Variants in DCHS2 observed in about 807,000 individuals in gnomAD.
DCHS2 encodes the protein protocadherin-23.
In DCHS2, 142 loss-of-function variants were observed where a neutral mutation model predicts 182.4. The ratio of observed to expected loss-of-function variants is 0.78; its 90% CI spans 0.68 to 0.89. The LOEUF is 0.89. Ranked by LOEUF, DCHS2 falls within the 40% of genes least tolerant of loss-of-function variation. The pLI, the probability that DCHS2 is intolerant of heterozygous loss-of-function variation, is 0.00. For synonymous variants in DCHS2, 1,740 were observed against 1,663.3 expected, an observed-to-expected ratio of 1.05 and a Z score of -1.12; for missense variants, 4,319 against 4,198.6, an observed-to-expected ratio of 1.03 and a Z score of -0.79.
At chr4:154,407,847 C>T (rs1305104500) in intron 1 of DCHS2, among the ~76,000 whole-genome samples, 4 of 152,136 alleles carry the variant, frequency 2.6e-5, no homozygotes, top group East Asian at 1.9e-4. Flanking sequence ...AGCAAAAGCC[C>T]TGCATAAAGA....
intron 13 of DCHS2, among the ~76,000 whole-genome samples, chr4:154,296,734 A>G (rs1346219699): frequency 1.3e-5 from 2 of 152,194 alleles, no homozygotes. Flanking sequence ...AGTGATGAAA[A>G]TGTATAATAA....
At chr4:154,413,977 G>T (rs1431493780) in intron 1 of DCHS2, among the ~76,000 whole-genome samples, 1 of 151,994 alleles carries the variant, frequency 6.6e-6, no homozygotes, top group Admixed American at 6.5e-5. Flanking sequence ...TTGTACTTAA[G>T]ATCTAAAATA....
intron 3 of DCHS2, among the ~76,000 whole-genome samples, chr4:154,353,834 A>G (rs1729732282): frequency 6.6e-6 from 1 of 152,200 alleles, no homozygotes; most frequent in Non-Finnish European, 1.5e-5. Flanking sequence ...AGACATTCTG[A>G]TTTTTAGATT....
intron 3 of DCHS2, among the ~76,000 whole-genome samples, chr4:154,339,745 C>A (rs1377270535): frequency 6.6e-6 from 1 of 151,940 alleles, no homozygotes; most frequent in Non-Finnish European, 1.5e-5. Context: ...CCGCGCCCAG[C>A]CAAACATTTT....
chr4:154,483,478 G>A (rs1052236340), intron 1 of DCHS2, among the ~76,000 whole-genome samples: 4 of 152,144 alleles, frequency 2.6e-5, no homozygotes, highest in Non-Finnish European at 4.4e-5. Flanking sequence ...TGGGTCAACT[G>A]AAGAAACATG....
chr4:154,333,911 A>C (rs187720821), intron 4 of DCHS2: 1 of 175,226 alleles, frequency 5.7e-6, no homozygotes, highest in East Asian at 1.4e-4. Context: ...ATGATTGTAT[A>C]TTCTCCATCT....
intron 1 of DCHS2, among the ~76,000 whole-genome samples, chr4:154,441,950 G>T (rs1262402573): frequency 6.6e-6 from 1 of 151,928 alleles, no homozygotes. Context: ...GCTTTGTTTT[G>T]CCTCTATCTT....
Position 154,329,383 on chromosome 4 carries a change from A to G in DCHS2, c.3918+140T>C, listed in dbSNP as rs1736418871. 6.1e-6 allele frequency: 5 copies of G among 818,484 alleles called. No individual in the cohort carries two copies. In the East Asian group the frequency reaches 1.4e-4, roughly 22 times the overall value. 50.7% of individuals were successfully genotyped at this position (818,484 alleles called of 1,614,324 possible). On this transcript the variant is annotated intron_variant, in intron 6 of 19. Coordinates refer to ENST00000357232, the MANE Select transcript of DCHS2 (RefSeq NM_001358235.2). ...AATTTTCTTTTAAAATAACATGTGCACAGTATCTAGGTCTTCTAGAAAAAG... is the reference window on the plus strand; with the variant it reads ...AATTTTCTTTTAAAATAACATGTGCGCAGTATCTAGGTCTTCTAGAAAAAG...
intron 3 of DCHS2, among the ~76,000 whole-genome samples, chr4:154,352,814 C>T (rs1729683210): frequency 6.6e-6 from 1 of 152,134 alleles, no homozygotes; most frequent in South Asian, 2.1e-4. Flanking sequence ...TCGCAAAATC[C>T]TAGTGACCTT....
chr4:154,466,204 C>G (rs1471555816), intron 1 of DCHS2, among the ~76,000 whole-genome samples: 1 of 152,066 alleles, frequency 6.6e-6, no homozygotes, highest in Admixed American at 6.6e-5. Context: ...ACAAGCAAGA[C>G]AAAATTGTGA....
intron 1 of DCHS2, among the ~76,000 whole-genome samples, chr4:154,461,314 C>T (rs889987069): frequency 6.6e-6 from 1 of 152,032 alleles, no homozygotes; most frequent in African/African-American, 2.4e-5. Context: ...AATATATAGC[C>T]ATCTAGGGCC....
rs370116052 is a variant in DCHS2 at position 154,482,472 on chromosome 4, A to G, written c.2052+6832T>C. Among the ~76,000 whole-genome samples the G allele has an allele frequency of 2.6e-5, 4 of 152,178 alleles. No individual in the cohort carries two copies. In the East Asian group the frequency reaches 5.8e-4, roughly 22 times the overall value. ...AAAAGATAGCAGCACAGGTTTCCAG[A>G]ACTCTTCTTTGAGTAGGAAAGACTT... On this transcript the variant is annotated intron_variant, in intron 1 of 19. Coordinates refer to ENST00000357232, the MANE Select transcript of DCHS2 (RefSeq NM_001358235.2).
chr4:154,488,198 A>C (rs916888532), intron 1 of DCHS2, among the ~76,000 whole-genome samples: 2 of 141,464 alleles, frequency 1.4e-5, no homozygotes, highest in Non-Finnish European at 3.1e-5. Context: ...AAAAGAAACA[A>C]ATAGGAAATC....
chr4:154,298,183 T>A lies in DCHS2; in HGVS notation c.6131A>T (p.Asp2044Val). 1 of 1,614,078 alleles carries A rather than the reference T, an allele frequency of 6.2e-7. No homozygotes were observed. Among genetic ancestry groups the A allele is most frequent in the Non-Finnish European group, 8.5e-7 (1 of 1,180,000 alleles). Residue 2044 changes from aspartate (D) to valine (V), a missense_variant, in exon 13 of 20, where the codon GAT becomes GTT. Coordinates refer to ENST00000357232, the MANE Select transcript of DCHS2 (RefSeq NM_001358235.2). ...NDPVLEQNPF[D>V]VFLSPESPTN... ...AGGCGACTCGGGGGAAAGAAACACA[T>A]CAAAAGGGTTCTGTTCCAAAACTGG...
chr4:154,390,189 T>G (rs1731629694), intron 1 of DCHS2, among the ~76,000 whole-genome samples: 1 of 151,384 alleles, frequency 6.6e-6, no homozygotes, highest in Non-Finnish European at 1.5e-5. Flanking sequence ...TATGTATACA[T>G]GTGCCACGCT....
At chr4:154,250,322 G>A (rs777983111) in intron 16 of DCHS2, among the ~76,000 whole-genome samples, 23 of 151,770 alleles carry the variant, frequency 1.5e-4, no homozygotes, top group East Asian at 7.7e-4. Context: ...CCTATTTATC[G>A]GCCGAATCCT....
intron 1 of DCHS2, among the ~76,000 whole-genome samples, chr4:154,378,781 G>T (rs1731042312): frequency 6.6e-6 from 1 of 152,164 alleles, no homozygotes; most frequent in African/African-American, 2.4e-5. Context: ...TAATGACCAT[G>T]ATCTATGTGC....
intron 1 of DCHS2, among the ~76,000 whole-genome samples, chr4:154,381,658 C>A (rs1454224819): frequency 1.3e-5 from 2 of 151,936 alleles, no homozygotes; most frequent in Non-Finnish European, 2.9e-5. Flanking sequence ...AGCTGAGAGC[C>A]AAATCAAGAA....
At chr4:154,418,744 A>G (rs1170653321) in intron 1 of DCHS2, among the ~76,000 whole-genome samples, 1 of 152,238 alleles carries the variant, frequency 6.6e-6, no homozygotes, top group East Asian at 1.9e-4. Context: ...GATTCATAGT[A>G]AAATATCATG....
Sources: allele counts gnomAD v4.1 joint callset (sites outside exome capture counted in the v4.1 genomes callset), GRCh38; gene constraint gnomAD v4.1.1; transcripts MANE v1.5; gene names NCBI Gene and HGNC (gene_info 2026-07-23, HGNC 2026-07-21).